Variants in ARPC2 observed in about 807,000 individuals in gnomAD.
ARPC2 encodes the protein actin-related protein 2/3 complex subunit 2.
In ARPC2, 4 loss-of-function variants were observed where a neutral mutation model predicts 38.6. The ratio of observed to expected loss-of-function variants is 0.10; its 90% CI spans 0.05 to 0.24. ARPC2 has a LOEUF of 0.24. Ranked by LOEUF, ARPC2 falls within the 10% of genes least tolerant of loss-of-function variation. The probability of loss-of-function intolerance (pLI) is 1.00; values close to 1 mark genes in which losing one functional copy is unlikely to be tolerated. For missense variants in ARPC2, 229 were observed against 387.3 expected (o/e 0.59, Z 3.43); for synonymous variants, 125 against 140.8 (o/e 0.89, Z 0.79).
chr2:218,245,054 T>C (rs1421106271), intron 7 of ARPC2, among the ~76,000 whole-genome samples: 1 of 152,218 alleles, frequency 6.6e-6, no homozygotes, highest in Non-Finnish European at 1.5e-5. Context: ...CTAAAGATTT[T>C]ATTGATGAAT....
intron 7 of ARPC2, among the ~76,000 whole-genome samples, chr2:218,239,724 G>A (rs1290241370): frequency 6.6e-6 from 1 of 151,748 alleles, no homozygotes; most frequent in East Asian, 1.9e-4. Flanking sequence ...CTCCTGAGTA[G>A]CTGGGATTGT....
At chr2:218,227,141 G>A (rs987146319) in intron 3 of ARPC2, 5 of 400,698 alleles carry the variant, frequency 1.2e-5, no homozygotes, top group Non-Finnish European at 2.6e-5. Context: ...GGCATTGCCA[G>A]ATATCCCTTC....
chr2:218,231,035 G>A (rs2106148644), intron 4 of ARPC2, among the ~76,000 whole-genome samples: 1 of 152,330 alleles, frequency 6.6e-6, no homozygotes, highest in Middle Eastern at 3.4e-3. Context: ...GGTGGAGTAA[G>A]TAACATTCAT....
At chr2:218,238,590 C>CTTTTT (rs34654904) in intron 5 of ARPC2, 74 bp from the exon 6 acceptor site, 15 of 427,680 alleles carry the variant, frequency 3.5e-5, no homozygotes, top group South Asian at 8.7e-5. Flanking sequence ...TAGTATGCTG[C>CTTTTT]TTTTTTTTTT....
chr2:218,219,377 A>T (rs1402896416), intron 2 of ARPC2, among the ~76,000 whole-genome samples: 1 of 148,804 alleles, frequency 6.7e-6, no homozygotes, highest in African/African-American at 2.5e-5. Context: ...TTTTTTTCCG[A>T]GACAGAGTCT....
intron 8 of ARPC2, among the ~76,000 whole-genome samples, chr2:218,246,101 C>G (rs1690023784): frequency 6.6e-6 from 1 of 151,788 alleles, no homozygotes; most frequent in African/African-American, 2.4e-5. Flanking sequence ...TCTGTAGTCC[C>G]AGGTACTCCA....
In ARPC2 at chr2:218,254,075, T is replaced by C; in HGVS notation, c.*160T>C. 1.3e-6 allele frequency: 1 copy of C among 787,274 alleles called. No individual in the cohort carries two copies. The highest frequency in any genetic ancestry group is 1.9e-6 in the Non-Finnish European group (1 of 514,778). The allele number at this position is 787,274 out of a possible 1,614,324, so 48.8% of individuals were successfully genotyped here. A position where few individuals can be genotyped will look rare whatever the true frequency, so the allele number is the denominator to read the frequency against. On this transcript the variant is annotated 3_prime_UTR_variant, in exon 11 of 11. Coordinates refer to ENST00000315717, the MANE Select transcript of ARPC2 (RefSeq NM_152862.3). The stretch of plus-strand genomic sequence containing the variant: ...TGGAAAATAATCTGCAGAAACGAGC[T>C]GTGCTTGCAAAGACTTCATAGTTCC...
chr2:218,224,554 C>T (rs1689454532), intron 2 of ARPC2, among the ~76,000 whole-genome samples: 1 of 152,112 alleles, frequency 6.6e-6, no homozygotes, highest in South Asian at 2.1e-4. Context: ...CCTTTGTTTC[C>T]TGGCTACAGT....
At chr2:218,248,345 A>G (rs1337414653) in intron 8 of ARPC2, among the ~76,000 whole-genome samples, 1 of 152,236 alleles carries the variant, frequency 6.6e-6, no homozygotes, top group East Asian at 1.9e-4. Flanking sequence ...ACTTCAGACA[A>G]CTGACGGGGT....
intron 5 of ARPC2, chr2:218,235,319 G>T: frequency 6.4e-6 from 1 of 156,300 alleles, no homozygotes; most frequent in Non-Finnish European, 1.4e-5. Context: ...GGGAACTACA[G>T]GCACATGCCA....
chr2:218,251,797 G>A (rs562042278), intron 10 of ARPC2, among the ~76,000 whole-genome samples: 8 of 152,290 alleles, frequency 5.3e-5, no homozygotes, highest in Admixed American at 1.3e-4. Context: ...GGTGTGGTAC[G>A]CCTAGGGCTT....
intron 8 of ARPC2, among the ~76,000 whole-genome samples, chr2:218,245,975 G>A (rs1002483989): frequency 1.3e-5 from 2 of 152,018 alleles, no homozygotes; most frequent in African/African-American, 4.8e-5. Context: ...CAGCACTTTG[G>A]GAGGTTAAGG....
chr2:218,239,719 G>T (rs1244134516), intron 7 of ARPC2, among the ~76,000 whole-genome samples: 1 of 151,192 alleles, frequency 6.6e-6, no homozygotes, highest in East Asian at 1.9e-4. Flanking sequence ...TCAACCTCCT[G>T]AGTAGCTGGG....
At chr2:218,228,228 C>T (rs541979758) in intron 3 of ARPC2, among the ~76,000 whole-genome samples, 235 of 152,100 alleles carry the variant, frequency 1.5e-3, no homozygotes, top group Non-Finnish European at 2.5e-3. Flanking sequence ...CACAGTGAAA[C>T]CCCGTCTGTA....
chr2:218,239,003 C>A, intron 6 of ARPC2, 153 bp downstream of exon 6: 2 of 634,518 alleles, frequency 3.2e-6, no homozygotes. Flanking sequence ...GATGATAGGG[C>A]AGAAATCAGC....
intron 6 of ARPC2, chr2:218,239,137 G>T: frequency 1.8e-6 from 1 of 569,414 alleles, no homozygotes; most frequent in Non-Finnish European, 3.1e-6. Flanking sequence ...TCAGCAGGCA[G>T]GGTGACCATA....
chr2:218,217,955 A>C (rs1022921999), intron 2 of ARPC2, among the ~76,000 whole-genome samples: 7 of 152,188 alleles, frequency 4.6e-5, no homozygotes, highest in African/African-American at 1.2e-4. Flanking sequence ...AGGAGTTTTC[A>C]GGAATTCCCA....
intron 5 of ARPC2, chr2:218,236,834 A>C (rs1399713235): frequency 6.6e-6 from 1 of 152,228 alleles, no homozygotes; most frequent in African/African-American, 2.4e-5. Context: ...TTTTGGGAAA[A>C]AATGAAATAG....
Position 218,253,920 on chromosome 2 carries a change from G to A in ARPC2, c.*5G>A, listed in dbSNP as rs775251880. The A allele has an allele frequency of 3.1e-6, 5 of 1,613,872 alleles. No individual in the cohort carries two copies. In the South Asian group the frequency reaches 5.5e-5, roughly 18 times the overall value. ...AAGACGTTTTCATCCCGCTAATCTT[G>A]GGAATAAGAGGAGGAAGCGGCTGGC... On this transcript the variant is annotated 3_prime_UTR_variant, in exon 11 of 11. Transcript: ENST00000315717.
Sources: gnomAD v4.1 joint callset for allele counts (sites outside exome capture counted in the v4.1 genomes callset) on GRCh38, gnomAD v4.1.1 for gene constraint, MANE v1.5 for transcripts, NCBI Gene and HGNC (gene_info 2026-07-23, HGNC 2026-07-21) for gene names.